Variants in HS3ST3A1 observed in about 807,000 individuals in gnomAD.
HS3ST3A1 encodes heparan sulfate-glucosamine 3-sulfotransferase 3A1, also known as heparan sulfate glucosamine 3-O-sulfotransferase 3A1.
A neutral mutation model predicts 25.7 loss-of-function variants in HS3ST3A1; 19 were observed. That is an observed-to-expected ratio of 0.74 (90% CI 0.52 to 1.08). The LOEUF (loss-of-function observed/expected upper bound fraction) is 1.08. Among genes scored for constraint, HS3ST3A1 ranks in the 50% least tolerant of loss-of-function variants. HS3ST3A1 has a pLI of 0.00. For missense variants in HS3ST3A1, 459 were observed against 594.3 expected (o/e 0.77, Z 2.37); for synonymous variants, 226 against 278.6 (o/e 0.81, Z 1.88).
intron 1 of HS3ST3A1, among the ~76,000 whole-genome samples, chr17:13,545,488 T>C (rs1907062436): frequency 6.6e-6 from 1 of 152,216 alleles, no homozygotes; most frequent in Non-Finnish European, 1.5e-5. Context: ...CGGAGAGCTA[T>C]GTATCTCTCT....
At chr17:13,557,002 T>C (rs780105491) in intron 1 of HS3ST3A1, among the ~76,000 whole-genome samples, 2 of 152,082 alleles carry the variant, frequency 1.3e-5, no homozygotes, top group Non-Finnish European at 2.9e-5. Flanking sequence ...GAATAGGCAA[T>C]AGGTTCGACA....
In HS3ST3A1 at chr17:13,499,733, A is replaced by G. The variant is rs534516961; in HGVS notation, c.600-2915T>C. ...AGGAACCATATTTTAAATAATCTCA[A>G]TAGAGTAGGGAAAAGAGCTATCCAA... On this transcript the variant is annotated intron_variant, in intron 1 of 1. Coordinates refer to ENST00000284110, the MANE Select transcript of HS3ST3A1 (RefSeq NM_006042.3). Among the ~76,000 whole-genome samples, 4 of 152,278 alleles carry G rather than the reference A, an allele frequency of 2.6e-5. No individual in the cohort carries two copies. In the South Asian group the frequency reaches 6.2e-4, roughly 24 times the overall value.
intron 1 of HS3ST3A1, among the ~76,000 whole-genome samples, chr17:13,556,528 G>GAAAATAAAAT (rs1315579147): frequency 6.7e-6 from 1 of 149,284 alleles, no homozygotes; most frequent in African/African-American, 2.5e-5. Context: ...TAAAATAAAA[G>GAAAATAAAAT]AAAATAAAAT....
chr17:13,570,997 C>T (rs1416654542), intron 1 of HS3ST3A1, among the ~76,000 whole-genome samples: 2 of 152,118 alleles, frequency 1.3e-5, no homozygotes, highest in African/African-American at 4.8e-5. Context: ...TAGGAGAGGC[C>T]TGTTGTTACC....
At chr17:13,510,836 C>T (rs1905837806) in intron 1 of HS3ST3A1, among the ~76,000 whole-genome samples, 1 of 152,264 alleles carries the variant, frequency 6.6e-6, no homozygotes, top group South Asian at 2.1e-4. Flanking sequence ...TCCCGCGTAG[C>T]TGGGATTACA....
intron 1 of HS3ST3A1, among the ~76,000 whole-genome samples, chr17:13,562,044 G>A (rs1017121896): frequency 4.6e-5 from 7 of 152,110 alleles, no homozygotes; most frequent in Non-Finnish European, 7.4e-5. Flanking sequence ...CCTTATAAAC[G>A]GTTGAATTCT....
At chr17:13,512,321 A>AAAAAAAAAAAAAAAAAAAAAAAAAAAAC (rs1395357582) in intron 1 of HS3ST3A1, among the ~76,000 whole-genome samples, 1 of 144,676 alleles carries the variant, frequency 6.9e-6, no homozygotes, top group African/African-American at 2.6e-5. Flanking sequence ...AAAAAAAAAA[A>AAAAAAAAAAAAAAAAAAAAAAAAAAAAC]AAAAAACTGC....
chr17:13,597,372 T>C (rs1158063736), intron 1 of HS3ST3A1, among the ~76,000 whole-genome samples: 5 of 152,012 alleles, frequency 3.3e-5, no homozygotes, highest in Non-Finnish European at 5.9e-5. Context: ...TGAACTACAG[T>C]AGAGGTATTC....
At chr17:13,525,554 A>G (rs1368512034) in intron 1 of HS3ST3A1, among the ~76,000 whole-genome samples, 1 of 152,200 alleles carries the variant, frequency 6.6e-6, no homozygotes, top group East Asian at 1.9e-4. Context: ...TACTCAGTTA[A>G]CCTTTTCAAA....
At chr17:13,553,395 C>G (rs1033537018) in intron 1 of HS3ST3A1, among the ~76,000 whole-genome samples, 1 of 152,098 alleles carries the variant, frequency 6.6e-6, no homozygotes, top group Non-Finnish European at 1.5e-5. Flanking sequence ...ATGGTTTAAG[C>G]CAGAAGCCAT....
chr17:13,511,567 T>C (rs1194843966), intron 1 of HS3ST3A1, among the ~76,000 whole-genome samples: 1 of 151,928 alleles, frequency 6.6e-6, no homozygotes, highest in African/African-American at 2.4e-5. Flanking sequence ...TAACACATTA[T>C]GGAGGTAATC....
chr17:13,495,188 C>T lies in HS3ST3A1; in HGVS notation c.*1009G>A, dbSNP rs957225369. On this transcript the variant is annotated 3_prime_UTR_variant, in exon 2 of 2. Coordinates refer to ENST00000284110, the MANE Select transcript of HS3ST3A1 (RefSeq NM_006042.3). ...ATTAAATCAACAAATGGGTAAGTTA[C>T]GTTCCTAACACATCTTGTGCTACCC... Among the ~76,000 whole-genome samples the T allele has an allele frequency of 5.3e-5, 8 of 151,760 alleles. No individual in the cohort carries two copies. The highest frequency in any genetic ancestry group is 2.1e-4 in the South Asian group (1 of 4,818).
chr17:13,529,112 TA>T (rs1327464316), intron 1 of HS3ST3A1, among the ~76,000 whole-genome samples: 1 of 152,170 alleles, frequency 6.6e-6, no homozygotes, highest in Non-Finnish European at 1.5e-5. Context: ...CATAGCATAG[TA>T]TTTTTGACAG....
rs780752492 is a variant in HS3ST3A1, at chr17:13,601,131, C to A, written c.-2G>T. On this transcript the variant is annotated 5_prime_UTR_variant, in exon 1 of 2. In the 5' UTR this introduces an upstream ATG that the reference lacks. Coordinates refer to ENST00000284110, the MANE Select transcript of HS3ST3A1 (RefSeq NM_006042.3). ...ACTGGCCGGGCCCGGAGGGGCCATC[C>A]TAGCCGGAGGCGACGTCGGGCAACG... The A allele has an allele frequency of 1.3e-6, 2 of 1,533,746 alleles. No homozygotes were observed. Among genetic ancestry groups the A allele is most frequent in the Non-Finnish European group, 1.7e-6 (2 of 1,143,756 alleles).
At chr17:13,586,713 C>CA (rs1411145369) in intron 1 of HS3ST3A1, among the ~76,000 whole-genome samples, 2 of 149,520 alleles carry the variant, frequency 1.3e-5, no homozygotes, top group Non-Finnish European at 3.0e-5. Context: ...TAAAAAAATA[C>CA]AAAAAAATTA....
intron 1 of HS3ST3A1, among the ~76,000 whole-genome samples, chr17:13,565,939 T>C (rs1181991449): frequency 2.0e-5 from 3 of 152,238 alleles, no homozygotes; most frequent in Non-Finnish European, 4.4e-5. Context: ...TCCATCTTTT[T>C]ATCTCTTTAA....
chr17:13,517,675 G>A (rs765270538), intron 1 of HS3ST3A1, among the ~76,000 whole-genome samples: 8 of 151,996 alleles, frequency 5.3e-5, no homozygotes, highest in Non-Finnish European at 8.8e-5. Context: ...TTTTTGAGAG[G>A]GAGTCTCACT....
chr17:13,532,876 TAC>T (rs1906647089), intron 1 of HS3ST3A1, among the ~76,000 whole-genome samples: 1 of 61,432 alleles, frequency 1.6e-5, no homozygotes, highest in African/African-American at 8.3e-5. Context: ...CAAATACATA[TAC>T]GTGTGTGTGT....
chr17:13,528,427 G>GAGC lies in HS3ST3A1; in HGVS notation c.600-31612_600-31610dup, dbSNP rs567578279. On this transcript the variant is annotated intron_variant, in intron 1 of 1. Coordinates refer to ENST00000284110, the MANE Select transcript of HS3ST3A1 (RefSeq NM_006042.3). ...CACTCTCGAGCTCATGGATTGCTCA[G>GAGC]AGCAGAGCTTGGTCAATAGTGGAAC... Among the ~76,000 whole-genome samples, 12 of 152,310 alleles carry GAGC rather than the reference G, an allele frequency of 7.9e-5. No homozygotes were observed. The East Asian group carries it at 2.3e-3, about 30-fold the overall frequency.
Sources: gnomAD v4.1 joint callset for allele counts (sites outside exome capture counted in the v4.1 genomes callset) on GRCh38, gnomAD v4.1.1 for gene constraint, MANE v1.5 for transcripts, NCBI Gene and HGNC (gene_info 2026-07-23, HGNC 2026-07-21) for gene names.